Variants in PRELID2 observed in about 807,000 individuals in gnomAD.
PRELID2 encodes the protein PRELI domain containing 2.
Under a neutral mutation model 28.4 loss-of-function variants are expected in PRELID2, and 25 were observed. The observed-to-expected ratio is 0.88, with a 90% CI of 0.64 to 1.23. PRELID2 has a LOEUF of 1.23. Among genes scored for constraint, PRELID2 ranks in the 50% most tolerant of loss-of-function variants. PRELID2 has a pLI of 0.00. For missense variants in PRELID2, 201 were observed against 214.4 expected, an observed-to-expected ratio of 0.94 and a Z score of 0.39; for synonymous variants, 76 against 71.6, an observed-to-expected ratio of 1.06 and a Z score of -0.31.
chr5:145,684,104 G>A (rs1286526575), intron 1 of PRELID2, among the ~76,000 whole-genome samples: 1 of 152,138 alleles, frequency 6.6e-6, no homozygotes, highest in Non-Finnish European at 1.5e-5. Flanking sequence ...AGAGACAAAA[G>A]GGGAAGAGCA....
the PRELID2 span, among the ~76,000 whole-genome samples, chr5:145,346,723 T>A: frequency 2.0e-5 from 3 of 152,184 alleles, no homozygotes; most frequent in East Asian, 5.8e-4. Flanking sequence ...CTCTCAGTTC[T>A]GGACAGGTGA....
chr5:145,592,507 G>C (rs1197130529), intron 1 of PRELID2, among the ~76,000 whole-genome samples: 1 of 151,906 alleles, frequency 6.6e-6, no homozygotes. Context: ...GCTATGGAGT[G>C]ATGACCACAG....
chr5:145,545,087 T>C (rs1337652516), intron 1 of PRELID2, among the ~76,000 whole-genome samples: 1 of 152,130 alleles, frequency 6.6e-6, no homozygotes, highest in Non-Finnish European at 1.5e-5. Flanking sequence ...CTTTTGTAAA[T>C]CAGGTCAATA....
the PRELID2 span, among the ~76,000 whole-genome samples, chr5:145,265,065 C>A: frequency 6.7e-6 from 1 of 148,778 alleles, no homozygotes; most frequent in Non-Finnish European, 1.5e-5. Flanking sequence ...TCTAAAGACT[C>A]ATTCAAAAAG....
At chr5:145,386,034 A>G in the PRELID2 span, among the ~76,000 whole-genome samples, 1 of 152,028 alleles carries the variant, frequency 6.6e-6, no homozygotes, top group Non-Finnish European at 1.5e-5. Context: ...GGGGTGCTAT[A>G]AAGACATACC....
chr5:145,423,180 A>G, the PRELID2 span, among the ~76,000 whole-genome samples: 22 of 151,266 alleles, frequency 1.5e-4, no homozygotes, highest in African/African-American at 5.4e-4. Context: ...TTTTTCCTTC[A>G]TTTCCACTTT....
intron 3 of PRELID2, chr5:145,819,228 C>A: frequency 1.5e-6 from 1 of 646,964 alleles, no homozygotes. Flanking sequence ...CAACATCACA[C>A]ACAGAATCTC....
At chr5:145,359,376 C>G in the PRELID2 span, among the ~76,000 whole-genome samples, 1 of 152,136 alleles carries the variant, frequency 6.6e-6, no homozygotes, top group African/African-American at 2.4e-5. Context: ...TAATCTCTCC[C>G]TGTTCTCAAT....
At position 145,696,920 on chromosome 5, in the gene PRELID2, T is replaced by G. The variant is rs181775256; in HGVS notation, n.70+68011A>C. Among the ~76,000 whole-genome samples the G allele has an allele frequency of 2.9e-4, 44 of 150,966 alleles. No individual in the cohort carries two copies. In the East Asian group the frequency reaches 8.2e-3, roughly 28 times the overall value. On this transcript the variant is annotated intron_variant and non_coding_transcript_variant, in intron 1 of 2. Coordinates refer to the PRELID2 transcript ENST00000510259. Reference sequence around the variant, plus strand: ...AAATAGTATATATTCAGACCACTTTTGGTAATAAAGGCTGGAAGAAGCCAA... The same window carrying G: ...AAATAGTATATATTCAGACCACTTTGGGTAATAAAGGCTGGAAGAAGCCAA...
At chr5:145,400,670 T>G in the PRELID2 span, among the ~76,000 whole-genome samples, 1 of 152,154 alleles carries the variant, frequency 6.6e-6, no homozygotes, top group Non-Finnish European at 1.5e-5. Context: ...TTTGGTTTTA[T>G]CCACCAGTCT....
At chr5:145,763,079 C>T (rs1177448296) in intron 6 of PRELID2, among the ~76,000 whole-genome samples, 1 of 152,218 alleles carries the variant, frequency 6.6e-6, no homozygotes, top group East Asian at 1.9e-4. Flanking sequence ...GACTCTGATG[C>T]TCAAGAAAGT....
chr5:145,751,874 C>T (rs969269317), downstream of PRELID2, among the ~76,000 whole-genome samples: 8 of 152,018 alleles, frequency 5.3e-5, no homozygotes, highest in East Asian at 1.9e-4. Flanking sequence ...CCCAGCTACT[C>T]GGGAGGCTGA....
chr5:145,728,438 G>T, intron 1 of PRELID2: 1 of 576,666 alleles, frequency 1.7e-6, no homozygotes, highest in South Asian at 2.0e-5. Context: ...AGACAAAACA[G>T]GGACCCCGGA....
chr5:145,754,771 G>A (rs1409604138), downstream of PRELID2, among the ~76,000 whole-genome samples: 1 of 152,166 alleles, frequency 6.6e-6, no homozygotes, highest in Non-Finnish European at 1.5e-5. Flanking sequence ...ATTTTAAGAA[G>A]GGACCAGATG....
intron 1 of PRELID2, among the ~76,000 whole-genome samples, chr5:145,541,514 G>C (rs1752744963): frequency 6.6e-6 from 1 of 151,990 alleles, no homozygotes; most frequent in Non-Finnish European, 1.5e-5. Context: ...CACAATCCTT[G>C]CTTCTCACAG....
chr5:145,649,909 CTT>C (rs1754260125), intron 1 of PRELID2, among the ~76,000 whole-genome samples: 1 of 152,036 alleles, frequency 6.6e-6, no homozygotes, highest in Admixed American at 6.6e-5. Context: ...GTTTTTATCT[CTT>C]GTTTGTTTCT....
intron 1 of PRELID2, among the ~76,000 whole-genome samples, chr5:145,721,282 T>C (rs139861040): frequency 6.6e-6 from 1 of 152,102 alleles, no homozygotes; most frequent in Non-Finnish European, 1.5e-5. Context: ...AGTTTTGATC[T>C]CACAGATTCC....
chr5:145,744,817 G>C (rs1756944077), intron 1 of PRELID2, among the ~76,000 whole-genome samples: 1 of 152,028 alleles, frequency 6.6e-6, no homozygotes, highest in Admixed American at 6.6e-5. Flanking sequence ...CCAAATGATT[G>C]CAACGTTTCT....
At chr5:145,418,107 A>G in the PRELID2 span, among the ~76,000 whole-genome samples, 5 of 150,568 alleles carry the variant, frequency 3.3e-5, no homozygotes, top group African/African-American at 1.2e-4. Context: ...AATAACAGGC[A>G]AGAGCCAAAT....
Sources: allele counts gnomAD v4.1 joint callset (sites outside exome capture counted in the v4.1 genomes callset), GRCh38; gene constraint gnomAD v4.1.1; transcripts MANE v1.5; gene names NCBI Gene and HGNC (gene_info 2026-07-23, HGNC 2026-07-21).